B4GALT6: variants seen among roughly 807,000 people sequenced by gnomAD.
B4GALT6 encodes UDP-Gal:beta-GlcNAc beta-1,4-galactosyltransferase 6.
A neutral mutation model predicts 46.3 loss-of-function variants in B4GALT6; 14 were observed. The ratio of observed to expected loss-of-function variants is 0.30; its 90% CI spans 0.20 to 0.47. The LOEUF (loss-of-function observed/expected upper bound fraction) is 0.47, where lower values mean the gene tolerates loss of function less well. Ranked by LOEUF, B4GALT6 falls within the 20% of genes least tolerant of loss-of-function variation. The pLI, the probability that B4GALT6 is intolerant of heterozygous loss-of-function variation, is 0.99. For missense variants in B4GALT6, 386 were observed against 480.1 expected, an observed-to-expected ratio of 0.80 and a Z score of 1.83; for synonymous variants, 168 against 162.0, an observed-to-expected ratio of 1.04 and a Z score of -0.28.
chr18:31,719,974 C>A, the B4GALT6 span, among the ~76,000 whole-genome samples: 2 of 152,164 alleles, frequency 1.3e-5, no homozygotes, highest in African/African-American at 4.8e-5. Flanking sequence ...CTGCATGACT[C>A]CTAAACTGTA....
upstream of B4GALT6, chr18:31,684,773 G>A: frequency 1.9e-6 from 2 of 1,075,168 alleles, no homozygotes; most frequent in Non-Finnish European, 2.3e-6. Flanking sequence ...CGGGAGGAGG[G>A]GCTGCAGGTG....
At chr18:31,693,977 CATAA>C in the B4GALT6 span, among the ~76,000 whole-genome samples, 2 of 152,156 alleles carry the variant, frequency 1.3e-5, no homozygotes, top group East Asian at 1.9e-4. Context: ...AAAGAAAATA[CATAA>C]ATAAGTAATG....
upstream of B4GALT6, chr18:31,684,586 T>G (rs1421242859): frequency 1.0e-5 from 12 of 1,168,976 alleles, no homozygotes; most frequent in East Asian, 5.2e-5. Context: ...AAAGAGGAAA[T>G]GGGAGGGAGC....
At chr18:31,700,016 A>C in the B4GALT6 span, among the ~76,000 whole-genome samples, 1 of 152,216 alleles carries the variant, frequency 6.6e-6, no homozygotes, top group Non-Finnish European at 1.5e-5. Flanking sequence ...AGAAGGATCA[A>C]AAACAGGCAA....
chr18:31,691,687 G>A, the B4GALT6 span, among the ~76,000 whole-genome samples: 2 of 151,994 alleles, frequency 1.3e-5, no homozygotes, highest in Non-Finnish European at 2.9e-5. Flanking sequence ...CATTCTGGGG[G>A]GAAAATAGTT....
At chr18:31,647,356 T>C (rs1020070288) in intron 3 of B4GALT6, among the ~76,000 whole-genome samples, 2 of 152,204 alleles carry the variant, frequency 1.3e-5, no homozygotes, top group African/African-American at 4.8e-5. Flanking sequence ...CCAACGCATA[T>C]GTGCTGGCAA....
chr18:31,724,472 G>C, the B4GALT6 span: 1 of 1,012,924 alleles, frequency 9.9e-7, no homozygotes, highest in Non-Finnish European at 1.2e-6. Context: ...CCCCCGGGCA[G>C]ACCCGGGAGA....
In B4GALT6 at chr18:31,631,024, C is replaced by T; in HGVS notation, c.711G>A (p.Arg237=). ...GCATTTCTCCACATCCGTAATAGTT[C>T]CGGTCATTTTCAGGTAGATGATCCA... ...HDVDHLPEND[R]NYYGCGEMPR... The change falls in exon 6 of 9, where the codon CGG becomes CGA. Residue 237 remains arginine (R), a synonymous_variant. Coordinates refer to ENST00000306851, the MANE Select transcript of B4GALT6 (RefSeq NM_004775.5). 6.2e-7 allele frequency: 1 copy of T among 1,614,086 alleles called. No individual in the cohort carries two copies. The highest frequency in any genetic ancestry group is 8.5e-7 in the Non-Finnish European group (1 of 1,180,018).
intron 1 of B4GALT6, among the ~76,000 whole-genome samples, chr18:31,672,274 A>C (rs2074365319): frequency 6.6e-6 from 1 of 152,186 alleles, no homozygotes; most frequent in Non-Finnish European, 1.5e-5. Flanking sequence ...AATGATTTTG[A>C]GAGGGAGATG....
chr18:31,642,920 C>T (rs187641348), intron 4 of B4GALT6, among the ~76,000 whole-genome samples: 2 of 152,270 alleles, frequency 1.3e-5, no homozygotes, highest in Admixed American at 1.3e-4. Flanking sequence ...TTTGAAAGAT[C>T]TCAGTTCTAA....
chr18:31,680,392 T>C (rs1164488536), intron 1 of B4GALT6, among the ~76,000 whole-genome samples: 1 of 152,110 alleles, frequency 6.6e-6, no homozygotes. Flanking sequence ...ACAACATACA[T>C]GCTTGCACAT....
intron 1 of B4GALT6, 106 bp downstream of exon 1, chr18:31,684,206 C>G: frequency 6.5e-7 from 1 of 1,529,852 alleles, no homozygotes; most frequent in Non-Finnish European, 8.8e-7. Context: ...CGCTTTTCTG[C>G]GGGCCCCTGT....
intron 3 of B4GALT6, among the ~76,000 whole-genome samples, chr18:31,657,462 A>G (rs1314387683): frequency 1.3e-5 from 2 of 152,248 alleles, no homozygotes; most frequent in South Asian, 2.1e-4. Flanking sequence ...CTTTGAAACA[A>G]TATCTATTTT....
In B4GALT6 at chr18:31,624,610, C is replaced by T. The variant is rs1199140842; in HGVS notation, c.*1004G>A. ...TTATAAGTACTATTGGGTTTTCTTC[C>T]ATAGATCATTCTTTTAAAAAAACTG... On this transcript the variant is annotated 3_prime_UTR_variant, in exon 9 of 9. Transcript: ENST00000306851. The T allele has an allele frequency of 6.6e-6, 1 of 151,694 alleles. No homozygotes were observed. Among genetic ancestry groups the T allele is most frequent in the Non-Finnish European group, 1.5e-5 (1 of 67,876 alleles). The allele number at this position is 151,694 out of a possible 1,614,324, so 9.4% of individuals were successfully genotyped here.
At chr18:31,643,988 C>T (rs1366472476) in intron 4 of B4GALT6, among the ~76,000 whole-genome samples, 1 of 152,050 alleles carries the variant, frequency 6.6e-6, no homozygotes, top group Non-Finnish European at 1.5e-5. Context: ...ATTTATGTGC[C>T]CAGGCTATTT....
chr18:31,685,262 C>T (rs1371650476), upstream of B4GALT6, among the ~76,000 whole-genome samples: 21 of 150,504 alleles, frequency 1.4e-4, no homozygotes, highest in East Asian at 4.2e-3. Flanking sequence ...CCCCGCCGGG[C>T]CCGCGGACAC....
At chr18:31,672,490 G>A (rs1160693579) in intron 1 of B4GALT6, among the ~76,000 whole-genome samples, 2 of 152,170 alleles carry the variant, frequency 1.3e-5, no homozygotes, top group East Asian at 1.9e-4. Context: ...GCAGCACAAA[G>A]ATAAAAGATC....
intron 1 of B4GALT6, among the ~76,000 whole-genome samples, chr18:31,676,534 G>A (rs915488636): frequency 6.6e-6 from 1 of 152,104 alleles, no homozygotes; most frequent in Non-Finnish European, 1.5e-5. Context: ...ACTCATAAAG[G>A]AACACATGAT....
At chr18:31,691,431 C>G in the B4GALT6 span, among the ~76,000 whole-genome samples, 1 of 149,712 alleles carries the variant, frequency 6.7e-6, no homozygotes, top group African/African-American at 2.5e-5. Flanking sequence ...TCTTCATAGG[C>G]GAATGACTCA....
Sources: allele counts gnomAD v4.1 joint callset (sites outside exome capture counted in the v4.1 genomes callset), GRCh38; gene constraint gnomAD v4.1.1; transcripts MANE v1.5; gene names NCBI Gene and HGNC (gene_info 2026-07-23, HGNC 2026-07-21).